The following TCTN3 variants were observed in gnomAD, a reference collection of about 807,000 sequenced individuals.
TCTN3 encodes the protein tectonic family member 3.
Under a neutral mutation model 71.3 loss-of-function variants are expected in TCTN3, and 57 were observed. The ratio of observed to expected loss-of-function variants is 0.80; its 90% confidence interval spans 0.65 to 1.00. The LOEUF (loss-of-function observed/expected upper bound fraction) is 1.00. TCTN3 is among the 50% of genes least tolerant of loss of function. The pLI, the probability that TCTN3 is intolerant of heterozygous loss-of-function variation, is 0.00. For missense variants in TCTN3, 696 were observed against 719.9 expected, an observed-to-expected ratio of 0.97 and a Z score of 0.38; for synonymous variants, 258 against 267.8, an observed-to-expected ratio of 0.96 and a Z score of 0.36.
chr10:95,664,023 G>A lies in TCTN3; in HGVS notation c.*44C>T, dbSNP rs761405407. The A allele has an allele frequency of 2.5e-6, 4 of 1,569,214 alleles. No individual in the cohort carries two copies. Among genetic ancestry groups the A allele is most frequent in the Non-Finnish European group, 3.5e-6 (4 of 1,140,690 alleles). ...TTAGCCAAGATAAGTGGCTGCCTCA[G>A]AGTTTCTCATAGGGAAAACTGAAAT... is the stretch of plus-strand genomic sequence containing the variant. On this transcript the variant is annotated 3_prime_UTR_variant, in exon 14 of 14. Transcript: ENST00000371217.
intron 13 of TCTN3, among the ~76,000 whole-genome samples, chr10:95,671,295 T>A (rs978152350): frequency 3.3e-5 from 5 of 152,208 alleles, no homozygotes; most frequent in African/African-American, 1.2e-4. Context: ...CTATATTTCA[T>A]GATGTTTACT....
chr10:95,671,741 C>G (rs912445577), intron 13 of TCTN3, among the ~76,000 whole-genome samples: 1 of 152,110 alleles, frequency 6.6e-6, no homozygotes, highest in African/African-American at 2.4e-5. Flanking sequence ...CAGGCGTGTG[C>G]CACCTTGCCC....
rs371380545 is a variant in TCTN3 at position 95,685,592 on chromosome 10, C to A, written c.933G>T (p.Leu311=). 119 of 1,551,390 alleles carry A rather than the reference C, an allele frequency of 7.7e-5. 1 individual carries two copies. The highest frequency in any genetic ancestry group is 5.0e-4 in the Middle Eastern group (3 of 6,014). The part of the protein sequence containing the change: ...VILTSQANAP[L]LAGNTCQNVV... ...CATTCTGACAAGTGTTTCCAGCCAA[C>A]AGAGGAGCATTAGCCTGTGAGGTAA... is the stretch of plus-strand genomic sequence containing the variant. The change falls in exon 8 of 14, where the codon CTG becomes CTT. Residue 311 remains leucine (L), a synonymous_variant. Coordinates refer to ENST00000371217, the MANE Select transcript of TCTN3 (RefSeq NM_015631.6).
At chr10:95,666,308 G>A (rs2097925646) in intron 13 of TCTN3, among the ~76,000 whole-genome samples, 1 of 151,438 alleles carries the variant, frequency 6.6e-6, no homozygotes, top group Admixed American at 6.6e-5. Context: ...TAACTTCTGA[G>A]GCACTGAAAG....
rs1468836611 is a variant in TCTN3, at chr10:95,693,495, G to C, written c.257-19C>G. ...GGTAAGACTATGAAAGTACGACACAGAGTGAGTGGGATGAAGATCCCCAAA... is the reference window on the plus strand; with the variant it reads ...GGTAAGACTATGAAAGTACGACACACAGTGAGTGGGATGAAGATCCCCAAA... On this transcript the variant is annotated intron_variant, in intron 1 of 13. Transcript: ENST00000371217. The C allele has an allele frequency of 6.4e-7, 1 of 1,552,072 alleles. No homozygotes were observed. The highest frequency in any genetic ancestry group is 1.4e-5 in the African/African-American group (1 of 73,166).
At chr10:95,689,115 G>A (rs2097951392) in intron 3 of TCTN3, among the ~76,000 whole-genome samples, 1 of 152,108 alleles carries the variant, frequency 6.6e-6, no homozygotes, top group Non-Finnish European at 1.5e-5. Flanking sequence ...AAGTCAGCAT[G>A]AATGGGGCTC....
Position 95,685,550 on chromosome 10 carries a change from C to G in TCTN3, c.969+6G>C. ...TCAGTCCAGAATCTGAGGTCAGTAT[C>G]CCTACCTGAGAAACTACATTCTGAC... On this transcript the variant is annotated splice_donor_region_variant and intron_variant, in intron 8 of 13. Transcript: ENST00000371217. 1 of 1,548,828 alleles carries G rather than the reference C, an allele frequency of 6.5e-7. No individual in the cohort carries two copies. The highest frequency in any genetic ancestry group is 1.2e-5 in the South Asian group (1 of 83,964).
intron 7 of TCTN3, 35 bp downstream of exon 7, chr10:95,686,460 T>C: frequency 6.2e-7 from 1 of 1,612,088 alleles, no homozygotes; most frequent in Non-Finnish European, 8.5e-7. Flanking sequence ...AGCCAAATAT[T>C]CTTTTTCTTT....
At chr10:95,666,048 C>G (rs2097925324) in intron 13 of TCTN3, among the ~76,000 whole-genome samples, 1 of 151,630 alleles carries the variant, frequency 6.6e-6, no homozygotes. Flanking sequence ...TCACGCCATT[C>G]TCCTGCCTCA....
chr10:95,680,732 G>T, intron 12 of TCTN3, 123 bp from the exon 13 acceptor site: 1 of 1,115,368 alleles, frequency 9.0e-7, no homozygotes, highest in South Asian at 1.6e-5. Context: ...GTAGCTTAGT[G>T]GAAGAACACA....
chr10:95,669,801 C>A (rs1318176981), intron 13 of TCTN3, among the ~76,000 whole-genome samples: 1 of 152,088 alleles, frequency 6.6e-6, no homozygotes. Context: ...CGGTGGCTCA[C>A]GCCTGTAATC....
chr10:95,689,987 T>G (rs1002135840), intron 3 of TCTN3, among the ~76,000 whole-genome samples: 1 of 152,174 alleles, frequency 6.6e-6, no homozygotes, highest in Non-Finnish European at 1.5e-5. Flanking sequence ...TAGATACATA[T>G]TTTTTTGAAT....
intron 12 of TCTN3, among the ~76,000 whole-genome samples, chr10:95,681,232 C>G (rs559030464): frequency 2.0e-5 from 3 of 152,090 alleles, no homozygotes; most frequent in African/African-American, 7.2e-5. Flanking sequence ...CCCACCACTA[C>G]ACCTGGCTAA....
intron 7 of TCTN3, 63 bp downstream of exon 7, chr10:95,686,432 T>C: frequency 6.6e-6 from 10 of 1,526,564 alleles, no homozygotes; most frequent in Admixed American, 1.7e-5. Context: ...TAGACTAAAA[T>C]TGCCTCAGAT....
intron 10 of TCTN3, 115 bp downstream of exon 10, chr10:95,683,407 C>T (rs957095488): frequency 1.9e-6 from 3 of 1,567,140 alleles, no homozygotes; most frequent in African/African-American, 1.4e-5. Flanking sequence ...TATATAAGTA[C>T]CTCATTATAA....
chr10:95,680,506 C>T lies in TCTN3; in HGVS notation c.1556G>A (p.Gly519Glu). ...LLSNPQAHVS[G>E]VRFLYQCQSI... ...CTGGCACTGGTATAGGAATCGAACTCCTGATACATGAGCTTGCGGGTTGGA... is the reference window on the plus strand; with the variant it reads ...CTGGCACTGGTATAGGAATCGAACTTCTGATACATGAGCTTGCGGGTTGGA... Residue 519 changes from glycine (G) to glutamate (E), a missense_variant, in exon 13 of 14, where the codon GGA becomes GAA. Coordinates refer to ENST00000371217, the MANE Select transcript of TCTN3 (RefSeq NM_015631.6). 6.2e-7 allele frequency: 1 copy of T among 1,614,134 alleles called. No individual in the cohort carries two copies. The highest frequency in any genetic ancestry group is 8.5e-7 in the Non-Finnish European group (1 of 1,180,008).
At position 95,692,757 on chromosome 10, in the gene TCTN3, CATTTTTTTT is replaced by C. The variant is rs1566077440; in HGVS notation, c.499+154_499+162del. On this transcript the variant is annotated intron_variant, in intron 3 of 13. Coordinates refer to ENST00000371217, the MANE Select transcript of TCTN3 (RefSeq NM_015631.6). ...TTGTAAACTTTCTTAAAACATTTGACATTTTTTTTGCTTTTTTTTTGTTGTTGTTTTTAA... is the reference window on the plus strand; with the variant it reads ...TTGTAAACTTTCTTAAAACATTTGACGCTTTTTTTTTGTTGTTGTTTTTAA... 8 of 595,072 alleles carry C rather than the reference CATTTTTTTT, an allele frequency of 1.3e-5. No homozygotes were observed. In the Admixed American group the frequency reaches 2.1e-4, roughly 15 times the overall value. The allele number at this position is 595,072 out of a possible 1,614,324, so 36.9% of individuals were successfully genotyped here.
At position 95,687,037 on chromosome 10, in the gene TCTN3, C is replaced by T. The variant is rs1275344078; in HGVS notation, c.852+7G>A. 1 of 1,603,944 alleles carries T rather than the reference C, an allele frequency of 6.2e-7. No homozygotes were observed. The highest frequency in any genetic ancestry group is 1.1e-5 in the South Asian group (1 of 90,842). ...AGTGACAGTGTAGGGAGAGAAAGGA[C>T]ACCTACCTTTAAGACTGTGAAGTTA... On this transcript the variant is annotated splice_region_variant and intron_variant, in intron 6 of 13. Coordinates refer to ENST00000371217, the MANE Select transcript of TCTN3 (RefSeq NM_015631.6).
intron 7 of TCTN3, among the ~76,000 whole-genome samples, chr10:95,685,945 G>A (rs1226824972): frequency 2.0e-5 from 3 of 152,236 alleles, no homozygotes; most frequent in Non-Finnish European, 4.4e-5. Flanking sequence ...AAAGACTCCA[G>A]GAGGGGTGAG....
Sources: gnomAD v4.1 joint callset for allele counts (sites outside exome capture counted in the v4.1 genomes callset) on GRCh38, gnomAD v4.1.1 for gene constraint, MANE v1.5 for transcripts, NCBI Gene and HGNC (gene_info 2026-07-23, HGNC 2026-07-21) for gene names.